The following CDH12 variants were observed in gnomAD, a reference collection of about 807,000 sequenced individuals.
CDH12 encodes cadherin 12.
In CDH12, 41 loss-of-function variants were observed where a neutral mutation model predicts 74.1. The observed-to-expected ratio is 0.55, with a 90% confidence interval of 0.43 to 0.72. CDH12 has a LOEUF of 0.72. Among genes scored for constraint, CDH12 ranks in the 30% least tolerant of loss-of-function variants. The probability of loss-of-function intolerance (pLI) is 0.00; values close to 1 mark genes in which losing one functional copy is unlikely to be tolerated. For synonymous variants in CDH12, 399 were observed against 355.0 expected, an observed-to-expected ratio of 1.12 and a Z score of -1.39; for missense variants, 945 against 977.2, an observed-to-expected ratio of 0.97 and a Z score of 0.44.
chr5:22,513,345 G>C (rs1281392445), intron 1 of CDH12, among the ~76,000 whole-genome samples: 1 of 151,616 alleles, frequency 6.6e-6, no homozygotes, highest in African/African-American at 2.4e-5. Flanking sequence ...AACATAGAAA[G>C]CCAGGTGTGG....
chr5:22,059,336 C>CT (rs1417792147), intron 5 of CDH12, among the ~76,000 whole-genome samples: 11 of 144,068 alleles, frequency 7.6e-5, no homozygotes, highest in Middle Eastern at 6.6e-3. Context: ...GTCTATCTAT[C>CT]ATCTATCTAT....
At position 22,157,750 on chromosome 5, in the gene CDH12, C is replaced by G. The variant is rs568512761; in HGVS notation, c.-187+54748G>C. ...ACAAATAAAAACCAAGGAGGCAATGCTGAAAACTTTTTGAATCAAAAATAG... is the reference window on the plus strand; with the variant it reads ...ACAAATAAAAACCAAGGAGGCAATGGTGAAAACTTTTTGAATCAAAAATAG... On this transcript the variant is annotated intron_variant, in intron 4 of 14. Coordinates refer to ENST00000382254, the MANE Select transcript of CDH12 (RefSeq NM_004061.5). 5.3e-5 allele frequency among the ~76,000 whole-genome samples: 8 copies of G among 151,974 alleles called. No individual in the cohort carries two copies. The East Asian group carries it at 1.2e-3, about 22-fold the overall frequency.
intron 1 of CDH12, among the ~76,000 whole-genome samples, chr5:22,634,998 T>G (rs1738767346): frequency 6.6e-6 from 1 of 150,680 alleles, no homozygotes; most frequent in South Asian, 2.1e-4. Context: ...TTGGCAGAAA[T>G]TGTCAAGATG....
At chr5:22,107,658 C>T (rs938333043) in intron 4 of CDH12, among the ~76,000 whole-genome samples, 23 of 151,938 alleles carry the variant, frequency 1.5e-4, no homozygotes, top group Admixed American at 5.9e-4. Flanking sequence ...TTTATATCAA[C>T]GATACTTTAC....
At chr5:22,623,701 A>C (rs1294883470) in intron 1 of CDH12, among the ~76,000 whole-genome samples, 1 of 152,082 alleles carries the variant, frequency 6.6e-6, no homozygotes, top group African/African-American at 2.4e-5. Context: ...CATGCTCATA[A>C]ATAGGAAGAA....
chr5:22,046,426 A>ATTTTTTTTTT (rs1739955012), intron 5 of CDH12, among the ~76,000 whole-genome samples: 4 of 127,464 alleles, frequency 3.1e-5, no homozygotes, highest in African/African-American at 1.5e-4. Context: ...TGGTCATTTA[A>ATTTTTTTTTT]TTTCTTTTTT....
At chr5:22,125,461 T>C (rs1745799193) in intron 4 of CDH12, among the ~76,000 whole-genome samples, 1 of 152,246 alleles carries the variant, frequency 6.6e-6, no homozygotes, top group Non-Finnish European at 1.5e-5. Flanking sequence ...AATGGCTGCA[T>C]AGTATTCCAT....
At chr5:21,766,451 CTGTT>C (rs1437866844) in intron 11 of CDH12, among the ~76,000 whole-genome samples, 2 of 151,808 alleles carry the variant, frequency 1.3e-5, no homozygotes, top group Non-Finnish European at 1.5e-5. Context: ...TTAATAGAAA[CTGTT>C]TGGCCCGGTT....
chr5:22,533,605 A>G (rs570285415), intron 1 of CDH12, among the ~76,000 whole-genome samples: 1 of 152,246 alleles, frequency 6.6e-6, no homozygotes, highest in East Asian at 1.9e-4. Context: ...CTTCATATTG[A>G]CAAACAAATA....
At chr5:22,804,827 G>A (rs1748702968) in intron 1 of CDH12, among the ~76,000 whole-genome samples, 1 of 152,118 alleles carries the variant, frequency 6.6e-6, no homozygotes, top group African/African-American at 2.4e-5. Context: ...CTAAGATTAG[G>A]TACTACATAA....
At chr5:22,066,925 G>T (rs923887236) in intron 5 of CDH12, among the ~76,000 whole-genome samples, 3 of 152,166 alleles carry the variant, frequency 2.0e-5, no homozygotes, top group Non-Finnish European at 4.4e-5. Flanking sequence ...TGGCTTCATT[G>T]CTTGAGAGAA....
intron 3 of CDH12, among the ~76,000 whole-genome samples, chr5:22,216,865 A>G (rs1751823428): frequency 6.6e-6 from 1 of 151,902 alleles, no homozygotes. Flanking sequence ...AAGCCATTTA[A>G]AAAGCTTCTA....
intron 1 of CDH12, among the ~76,000 whole-genome samples, chr5:22,628,776 TA>T (rs1738428632): frequency 6.6e-6 from 1 of 151,912 alleles, no homozygotes; most frequent in Non-Finnish European, 1.5e-5. Context: ...AATTGAGATG[TA>T]AAAAACTTAC....
chr5:22,506,327 T>C (rs555350131), intron 1 of CDH12, among the ~76,000 whole-genome samples: 1 of 152,298 alleles, frequency 6.6e-6, no homozygotes. Flanking sequence ...TATTCATTTA[T>C]TCATTCAGTA....
Position 21,844,534 on chromosome 5 carries a change from A to G in CDH12, c.647-2206T>C, listed in dbSNP as rs184926893. Among the ~76,000 whole-genome samples, 8 of 152,304 alleles carry G rather than the reference A, an allele frequency of 5.3e-5. No homozygotes were observed. The East Asian group carries it at 1.2e-3, about 22-fold the overall frequency. ...ATCCAGTTGGTAGCATTACACTAAC[A>G]GCAGGGCTAGAAGCAGCAGAGACAT... is the stretch of plus-strand genomic sequence containing the variant. On this transcript the variant is annotated intron_variant, in intron 7 of 14. Coordinates refer to ENST00000382254, the MANE Select transcript of CDH12 (RefSeq NM_004061.5).
intron 1 of CDH12, among the ~76,000 whole-genome samples, chr5:22,753,398 T>C (rs1745704550): frequency 1.3e-5 from 2 of 149,404 alleles, no homozygotes; most frequent in Admixed American, 6.7e-5. Flanking sequence ...GATCGCGCCA[T>C]TGCACTTTAG....
intron 5 of CDH12, among the ~76,000 whole-genome samples, chr5:22,028,676 G>T (rs1738569830): frequency 6.6e-6 from 1 of 152,078 alleles, no homozygotes; most frequent in South Asian, 2.1e-4. Context: ...CATGAAAATG[G>T]CCATACTGCC....
chr5:22,447,153 C>T (rs1160556303), intron 2 of CDH12, among the ~76,000 whole-genome samples: 1 of 152,116 alleles, frequency 6.6e-6, no homozygotes, highest in Non-Finnish European at 1.5e-5. Context: ...TGTATAAGGG[C>T]TATAATTCCA....
At chr5:22,519,749 A>G (rs1736967016) in intron 1 of CDH12, among the ~76,000 whole-genome samples, 1 of 152,156 alleles carries the variant, frequency 6.6e-6, no homozygotes, top group Non-Finnish European at 1.5e-5. Context: ...TAATGTTAAC[A>G]CAGAATAGCT....
Sources: allele counts gnomAD v4.1 joint callset (sites outside exome capture counted in the v4.1 genomes callset), GRCh38; gene constraint gnomAD v4.1.1; transcripts MANE v1.5; gene names NCBI Gene and HGNC (gene_info 2026-07-23, HGNC 2026-07-21).